Variants in CUBN observed in about 807,000 individuals in gnomAD.
CUBN encodes the protein 460 kDa receptor.
In CUBN, 282 loss-of-function variants were observed where a neutral mutation model predicts 405.3. The observed-to-expected ratio is 0.70, with a 90% CI of 0.63 to 0.77. CUBN has a LOEUF of 0.77. CUBN is among the 30% of genes least tolerant of loss of function. The pLI, the probability that CUBN is intolerant of heterozygous loss-of-function variation, is 0.00. For missense variants in CUBN, 4,514 were observed against 4,475.2 expected, an observed-to-expected ratio of 1.01 and a Z score of -0.25; for synonymous variants, 1,684 against 1,617.0, an observed-to-expected ratio of 1.04 and a Z score of -0.99.
chr10:16,838,936 A>G (rs1588574183), intron 62 of CUBN, among the ~76,000 whole-genome samples: 1 of 152,158 alleles, frequency 6.6e-6, no homozygotes, highest in Admixed American at 6.5e-5. Context: ...ATGAGCCACC[A>G]CACCCAGCCC....
intron 22 of CUBN, among the ~76,000 whole-genome samples, chr10:17,053,931 AT>A (rs1835327037): frequency 6.6e-6 from 1 of 152,178 alleles, no homozygotes. Flanking sequence ...ACCTGCAAAT[AT>A]TTGAAAGTTA....
At chr10:17,100,964 A>G (rs1043860250) in intron 13 of CUBN, among the ~76,000 whole-genome samples, 9 of 152,376 alleles carry the variant, frequency 5.9e-5, no homozygotes, top group African/African-American at 2.2e-4. Context: ...CAGACTTCAA[A>G]TATAGTAATA....
intron 60 of CUBN, among the ~76,000 whole-genome samples, chr10:16,847,233 C>A (rs559714098): frequency 1.2e-4 from 19 of 152,150 alleles, no homozygotes; most frequent in African/African-American, 4.6e-4. Context: ...CGGGCGGATC[C>A]CAAGGTCAGG....
chr10:17,073,947 C>T (rs1835795676), intron 17 of CUBN, among the ~76,000 whole-genome samples: 1 of 152,150 alleles, frequency 6.6e-6, no homozygotes, highest in South Asian at 2.1e-4. Context: ...AAAATGTTGA[C>T]TAAGGATAGC....
chr10:17,071,046 A>T (rs1483485732), intron 19 of CUBN, among the ~76,000 whole-genome samples: 1 of 152,168 alleles, frequency 6.6e-6, no homozygotes, highest in East Asian at 1.9e-4. Flanking sequence ...TTCTACTCCT[A>T]GTTTGTTGAG....
At chr10:16,844,045 G>A (rs576864431) in intron 60 of CUBN, among the ~76,000 whole-genome samples, 15 of 151,978 alleles carry the variant, frequency 9.9e-5, no homozygotes, top group East Asian at 1.9e-4. Flanking sequence ...CGAGGCAGGC[G>A]GATCGCCTGA....
Position 16,876,941 on chromosome 10 carries a change from T to C in CUBN, c.9062A>G (p.Glu3021Gly), listed in dbSNP as rs776530199. Residue 3021 changes from glutamate to glycine, a missense_variant, in exon 57 of 67, where the codon GAG becomes GGG. Glu to Gly is a moderately conservative substitution (Grantham distance 98, BLOSUM62 -2). Transcript: ENST00000377833. The part of the protein sequence containing the change: ...GPVLLNFYSN[E>G]QITDFGFKFS... ...CTTGAATCCGAAGTCTGTGATTTGC[T>C]CGTTGGAGTAGAAGTTAAGCAGAAC... The C allele has an allele frequency of 6.2e-7, 1 of 1,614,176 alleles. No individual in the cohort carries two copies. Among genetic ancestry groups the C allele is most frequent in the Non-Finnish European group, 8.5e-7 (1 of 1,180,032 alleles).
At chr10:17,057,862 C>T (rs1337809585) in intron 22 of CUBN, among the ~76,000 whole-genome samples, 1 of 152,114 alleles carries the variant, frequency 6.6e-6, no homozygotes, top group Non-Finnish European at 1.5e-5. Flanking sequence ...GTGGCTCACG[C>T]CTGTAATCCC....
Position 16,907,589 on chromosome 10 carries a change from T to G in CUBN, c.7624A>C (p.Thr2542Pro). Residue 2542 changes from threonine (T) to proline (P), a missense_variant, in exon 49 of 67, where the codon ACA becomes CCA. By Grantham distance (38) the Thr-to-Pro change is conservative. Coordinates refer to ENST00000377833, the MANE Select transcript of CUBN (RefSeq NM_001081.4). ...TCCGTGAAAAAAATGACTTTCATTG[T>G]GTTTCCTGAAGATTTAATCTCATTG... Reference protein sequence around the residue: ...VSNEIKSSGNTMKVIFFTDGS... With the variant: ...VSNEIKSSGNPMKVIFFTDGS... 2 of 1,613,878 alleles carry G rather than the reference T, an allele frequency of 1.2e-6. No individual in the cohort carries two copies. The highest frequency in any genetic ancestry group is 1.7e-6 in the Non-Finnish European group (2 of 1,180,024).
chr10:17,042,992 T>C (rs1835050103), intron 26 of CUBN, among the ~76,000 whole-genome samples: 1 of 152,186 alleles, frequency 6.6e-6, no homozygotes, highest in African/African-American at 2.4e-5. Context: ...GACTTTACTT[T>C]GATAAAGTAA....
intron 27 of CUBN, among the ~76,000 whole-genome samples, chr10:17,031,668 A>G (rs1834792006): frequency 1.3e-5 from 2 of 152,232 alleles, no homozygotes; most frequent in South Asian, 2.1e-4. Flanking sequence ...GTCACCAGAT[A>G]GAAGAGTGCT....
chr10:17,044,083 A>G, intron 25 of CUBN, 100 bp from the exon 26 acceptor site: 1 of 480,198 alleles, frequency 2.1e-6, no homozygotes, highest in Non-Finnish European at 3.5e-6. Context: ...ATATATATTT[A>G]TTATGTATAT....
intron 55 of CUBN, among the ~76,000 whole-genome samples, chr10:16,889,866 C>T (rs1840940515): frequency 7.0e-6 from 1 of 143,696 alleles, no homozygotes; most frequent in Non-Finnish European, 1.5e-5. Context: ...GAACCCAGGA[C>T]GTGGAGGGTG....
Position 17,053,016 on chromosome 10 carries a change from A to T in CUBN, c.3140-5413T>A, listed in dbSNP as rs1484759390. 1.3e-5 allele frequency among the ~76,000 whole-genome samples: 2 copies of T among 151,882 alleles called. 1 individual carries two copies. The highest frequency in any genetic ancestry group is 4.8e-5 in the African/African-American group (2 of 41,398). On this transcript the variant is annotated intron_variant, in intron 22 of 66. Coordinates refer to ENST00000377833, the MANE Select transcript of CUBN (RefSeq NM_001081.4). ...TGAAATGTAAAGCAGCTGCATATTA[A>T]CTCTAAGAAAACTTGCTTATAAGTT... is the stretch of plus-strand genomic sequence containing the variant.
chr10:17,057,092 C>T (rs1835412473), intron 22 of CUBN, among the ~76,000 whole-genome samples: 1 of 152,128 alleles, frequency 6.6e-6, no homozygotes, highest in Non-Finnish European at 1.5e-5. Context: ...GGCAAGCCCC[C>T]ATATTGGGAC....
chr10:16,862,160 T>TCTCACACACACACACACA (rs144560387), intron 59 of CUBN, among the ~76,000 whole-genome samples: 18 of 131,204 alleles, frequency 1.4e-4, no homozygotes, highest in African/African-American at 5.5e-4. Flanking sequence ...TCTCTCTCTC[T>TCTCACACACACACACACA]CACACACACA....
chr10:16,928,110 A>T, intron 41 of CUBN, 47 bp downstream of exon 41: 1 of 1,589,066 alleles, frequency 6.3e-7, no homozygotes, highest in South Asian at 1.1e-5. Flanking sequence ...AGAGGAAAAG[A>T]GAGGAGATGA....
chr10:16,926,873 G>A (rs72773213), intron 41 of CUBN, among the ~76,000 whole-genome samples: 8,390 of 151,004 alleles, frequency 0.056, 340 homozygotes, highest in Non-Finnish European at 0.087. Flanking sequence ...GTGGTTTTTC[G>A]TTACATGGAT....
Position 16,948,518 on chromosome 10 carries a change from A to G in CUBN, c.5169T>C (p.Ser1723=). 1.9e-6 allele frequency: 3 copies of G among 1,614,044 alleles called. No homozygotes were observed. The highest frequency in any genetic ancestry group is 2.5e-6 in the Non-Finnish European group (3 of 1,179,968). ...TGACCGTGGTGTGGAAACCCCCAGC[A>G]CTGATGCTAGAATCAGAGACGAATC... The part of the protein sequence containing the change: ...TLRFVSDSSI[S]AGGFHTTVTA... The change falls in exon 35 of 67, where the codon AGT becomes AGC. Residue 1723 remains serine (S), a synonymous_variant. Coordinates refer to ENST00000377833, the MANE Select transcript of CUBN (RefSeq NM_001081.4).
Sources: gnomAD v4.1 joint callset for allele counts (sites outside exome capture counted in the v4.1 genomes callset) on GRCh38, gnomAD v4.1.1 for gene constraint, MANE v1.5 for transcripts, NCBI Gene and HGNC (gene_info 2026-07-23, HGNC 2026-07-21) for gene names.